MTUS2: variants seen among roughly 807,000 people sequenced by gnomAD.
The protein encoded by MTUS2 is microtubule associated scaffold protein 2.
In MTUS2, 40 loss-of-function variants were observed where a neutral mutation model predicts 114.1. The ratio of observed to expected loss-of-function variants is 0.35; its 90% CI spans 0.27 to 0.46. MTUS2 has a LOEUF of 0.46. Ranked by LOEUF, MTUS2 falls within the 20% of genes least tolerant of loss-of-function variation. The pLI is 1.00. For missense variants in MTUS2, 1,679 were observed against 1,705.4 expected (o/e 0.98, Z 0.27); for synonymous variants, 688 against 672.0 (o/e 1.02, Z -0.37).
chr13:28,927,547 C>T (rs1881389951), intron 2 of MTUS2, among the ~76,000 whole-genome samples: 1 of 152,130 alleles, frequency 6.6e-6, no homozygotes, highest in South Asian at 2.1e-4. Context: ...GCATGGGTGA[C>T]AAAATGAGAC....
At chr13:29,385,759 C>G (rs939694410) in intron 8 of MTUS2, among the ~76,000 whole-genome samples, 14 of 152,186 alleles carry the variant, frequency 9.2e-5, no homozygotes, top group African/African-American at 3.4e-4. Flanking sequence ...CTCATCATCT[C>G]TTCCAAGCAT....
intron 6 of MTUS2, among the ~76,000 whole-genome samples, chr13:29,282,812 A>G (rs1414357): frequency 0.35 from 53,114 of 151,972 alleles, 10,154 homozygotes; most frequent in Non-Finnish European, 0.44. Flanking sequence ...CATTATATCA[A>G]TTTTTCTACA....
chr13:29,012,046 A>G (rs376032569), intron 2 of MTUS2, among the ~76,000 whole-genome samples: 1 of 152,150 alleles, frequency 6.6e-6, no homozygotes, highest in African/African-American at 2.4e-5. Context: ...TGTTAGAATG[A>G]TGTATTTCTT....
intron 4 of MTUS2, among the ~76,000 whole-genome samples, chr13:29,058,610 A>G: frequency 8.1e-6 from 1 of 123,616 alleles, no homozygotes. Flanking sequence ...TTTTTATTAT[A>G]CTTTTAAGTT....
intron 9 of MTUS2, among the ~76,000 whole-genome samples, chr13:29,449,432 C>T (rs545209234): frequency 6.6e-6 from 1 of 152,258 alleles, no homozygotes; most frequent in South Asian, 2.1e-4. Context: ...TGATTATAAT[C>T]TCTTATAGTT....
intron 5 of MTUS2, among the ~76,000 whole-genome samples, chr13:29,165,362 A>G (rs1893273607): frequency 6.6e-6 from 1 of 152,110 alleles, no homozygotes; most frequent in African/African-American, 2.4e-5. Context: ...CACCCTCATC[A>G]TGTCTCTGTC....
At chr13:28,944,865 T>C (rs1882435062) in intron 2 of MTUS2, among the ~76,000 whole-genome samples, 1 of 152,188 alleles carries the variant, frequency 6.6e-6, no homozygotes, top group Admixed American at 6.5e-5. Flanking sequence ...CAAGTGCAGT[T>C]TTGTTACATG....
intron 2 of MTUS2, among the ~76,000 whole-genome samples, chr13:28,925,007 C>A (rs550953735): frequency 6.6e-6 from 1 of 152,102 alleles, no homozygotes; most frequent in South Asian, 2.1e-4. Flanking sequence ...CCGTTGTACA[C>A]TAAATTGCAA....
At chr13:29,363,746 C>T (rs1870466683) in intron 8 of MTUS2, among the ~76,000 whole-genome samples, 1 of 152,118 alleles carries the variant, frequency 6.6e-6, no homozygotes, top group South Asian at 2.1e-4. Context: ...TATTAGTAGA[C>T]AATCTTTAGC....
chr13:29,293,387 A>C (rs1898798837), intron 6 of MTUS2, among the ~76,000 whole-genome samples: 1 of 152,190 alleles, frequency 6.6e-6, no homozygotes. Flanking sequence ...TTCCCTTTTT[A>C]GAATGAGATA....
At chr13:29,266,159 T>A (rs1897660038) in intron 5 of MTUS2, among the ~76,000 whole-genome samples, 2 of 152,310 alleles carry the variant, frequency 1.3e-5, no homozygotes, top group South Asian at 4.2e-4. Context: ...TCAGTGGCAT[T>A]ACCACTGAGT....
chr13:29,097,019 A>G (rs1890206772), intron 4 of MTUS2, among the ~76,000 whole-genome samples: 1 of 152,100 alleles, frequency 6.6e-6, no homozygotes, highest in Non-Finnish European at 1.5e-5. Flanking sequence ...TTCAGCCTCT[A>G]CAACATGGAA....
intron 8 of MTUS2, among the ~76,000 whole-genome samples, chr13:29,376,139 A>T (rs976345669): frequency 2.0e-5 from 3 of 152,286 alleles, no homozygotes; most frequent in African/African-American, 7.2e-5. Context: ...CAATAGAAAT[A>T]GTAAATAACT....
At chr13:29,444,386 G>A (rs1323744983) in intron 9 of MTUS2, among the ~76,000 whole-genome samples, 1 of 152,186 alleles carries the variant, frequency 6.6e-6, no homozygotes, top group Non-Finnish European at 1.5e-5. Context: ...AGCCGAGATT[G>A]CGCCATTGTA....
chr13:29,473,596 C>T (rs1880472576), intron 9 of MTUS2, among the ~76,000 whole-genome samples: 1 of 152,118 alleles, frequency 6.6e-6, no homozygotes, highest in Admixed American at 6.6e-5. Flanking sequence ...GTTCAGAATG[C>T]AGTTTTAATA....
intron 5 of MTUS2, among the ~76,000 whole-genome samples, chr13:29,257,013 T>G (rs954109622): frequency 1.3e-5 from 2 of 152,238 alleles, no homozygotes; most frequent in African/African-American, 4.8e-5. Context: ...CGGTATTCTT[T>G]ACTATATACA....
chr13:29,154,993 G>A (rs931208063), intron 5 of MTUS2, among the ~76,000 whole-genome samples: 68 of 152,266 alleles, frequency 4.5e-4, no homozygotes, highest in African/African-American at 1.4e-3. Flanking sequence ...ATGCCGCCTC[G>A]GCTGCTGGAG....
chr13:29,288,877 G>A (rs9508336), intron 6 of MTUS2, among the ~76,000 whole-genome samples: 1 of 152,018 alleles, frequency 6.6e-6, no homozygotes, highest in Non-Finnish European at 1.5e-5. Flanking sequence ...AGCGTTTCAC[G>A]TGCTGCATTT....
intron 2 of MTUS2, among the ~76,000 whole-genome samples, chr13:28,946,749 T>A (rs547920614): frequency 6.6e-6 from 1 of 152,258 alleles, no homozygotes; most frequent in South Asian, 2.1e-4. Context: ...GGGGTCTCAC[T>A]GTGCTGCCCA....
Sources: gnomAD v4.1 joint callset for allele counts (sites outside exome capture counted in the v4.1 genomes callset) on GRCh38, gnomAD v4.1.1 for gene constraint, MANE v1.5 for transcripts, NCBI Gene and HGNC (gene_info 2026-07-23, HGNC 2026-07-21) for gene names.